The following CELF1 variants were observed in gnomAD, a reference collection of about 807,000 sequenced individuals.
CELF1 encodes 50 kDa nuclear polyadenylated RNA-binding protein.
In CELF1, 10 loss-of-function variants were observed where a neutral mutation model predicts 61.8. The observed-to-expected ratio is 0.16, with a 90% CI of 0.10 to 0.27. CELF1 has a LOEUF of 0.27. Among genes scored for constraint, CELF1 ranks in the 10% least tolerant of loss-of-function variants. CELF1 has a pLI of 1.00. For synonymous variants in CELF1, 236 were observed against 225.1 expected, an observed-to-expected ratio of 1.05 and a Z score of -0.43; for missense variants, 380 against 639.1, an observed-to-expected ratio of 0.59 and a Z score of 4.37.
At chr11:47,524,145 A>C (rs531162574) in intron 1 of CELF1, among the ~76,000 whole-genome samples, 35 of 152,130 alleles carry the variant, frequency 2.3e-4, no homozygotes, top group African/African-American at 8.2e-4. Context: ...CTTAACCCCT[A>C]CTGCACTCTT....
At chr11:47,530,987 C>T (rs1300128039) in intron 1 of CELF1, among the ~76,000 whole-genome samples, 1 of 152,114 alleles carries the variant, frequency 6.6e-6, no homozygotes, top group Non-Finnish European at 1.5e-5. Flanking sequence ...TAGCTCATGC[C>T]TGTAATCCCA....
chr11:47,555,379 T>TAG (rs5791765), upstream of CELF1, among the ~76,000 whole-genome samples: 151,540 of 152,296 alleles, frequency 1, 75,400 homozygotes, highest in Middle Eastern at 1. Context: ...TCTAACTCGA[T>TAG]AAACTTCTTG....
chr11:47,476,636 C>T (rs544883334), intron 12 of CELF1, among the ~76,000 whole-genome samples: 1 of 152,222 alleles, frequency 6.6e-6, no homozygotes, highest in East Asian at 1.9e-4. Context: ...CCGTGTTAGC[C>T]AGAATGGTCT....
At chr11:47,528,978 G>A (rs1296304799) in intron 1 of CELF1, among the ~76,000 whole-genome samples, 1 of 151,932 alleles carries the variant, frequency 6.6e-6, no homozygotes, top group Non-Finnish European at 1.5e-5. Flanking sequence ...ACAGCTCACT[G>A]CAGCCTCAAC....
chr11:47,551,843 C>A (rs1360991003), intron 1 of CELF1, among the ~76,000 whole-genome samples: 1 of 152,044 alleles, frequency 6.6e-6, no homozygotes, highest in South Asian at 2.1e-4. Context: ...CATGGTGAAA[C>A]CCCGTCTATA....
At chr11:47,499,409 A>T in intron 3 of CELF1, 44 bp downstream of exon 3, 3 of 1,439,100 alleles carry the variant, frequency 2.1e-6, no homozygotes, top group South Asian at 2.5e-5. Context: ...AAAACAGCCC[A>T]GTTCCTCTGC....
At chr11:47,541,735 AAAGAACG>A (rs1233446160) in intron 1 of CELF1, among the ~76,000 whole-genome samples, 256 of 9,054 alleles carry the variant, frequency 0.028, 13 homozygotes, top group African/African-American at 0.057. Context: ...AGAACGAAAG[AAAGAACG>A]AAAGAAAGAA....
chr11:47,512,576 A>AT (rs1489796204), intron 1 of CELF1, among the ~76,000 whole-genome samples: 1 of 151,356 alleles, frequency 6.6e-6, no homozygotes, highest in African/African-American at 2.4e-5. Flanking sequence ...CTGACCTCAA[A>AT]TGATCTGCCT....
intron 1 of CELF1, among the ~76,000 whole-genome samples, chr11:47,528,010 G>A (rs1380096345): frequency 6.6e-6 from 1 of 152,082 alleles, no homozygotes; most frequent in Non-Finnish European, 1.5e-5. Flanking sequence ...ACAGGAGAAT[G>A]GGTTGAACCC....
At chr11:47,539,207 C>G (rs1453037999) in intron 1 of CELF1, among the ~76,000 whole-genome samples, 1 of 151,994 alleles carries the variant, frequency 6.6e-6, no homozygotes, top group East Asian at 1.9e-4. Flanking sequence ...AAATTAAAAA[C>G]AAATAATTAT....
In CELF1 at chr11:47,477,564, C is replaced by T. The variant is rs948118932; in HGVS notation, c.845-139G>A. 7.8e-6 allele frequency: 6 copies of T among 768,724 alleles called. No individual in the cohort carries two copies. The East Asian group carries it at 1.3e-4, about 16-fold the overall frequency. The allele number at this position is 768,724 out of a possible 1,614,324, so 47.6% of individuals were successfully genotyped here. A position where few individuals can be genotyped will look rare whatever the true frequency, so the allele number is the denominator to read the frequency against. ...TAGATAAGCCTTACAAACAACATTACAGGGCTCCAAAAATGATTCATGTAT... is the reference window on the plus strand; with the variant it reads ...TAGATAAGCCTTACAAACAACATTATAGGGCTCCAAAAATGATTCATGTAT... On this transcript the variant is annotated intron_variant, in intron 10 of 14. Coordinates refer to ENST00000687097, the MANE Select transcript of CELF1 (RefSeq NM_001376376.1).
At chr11:47,564,467 ACT>A (rs1437009807) in exon 2 of CELF1, 5 of 149,288 alleles carry the variant, frequency 3.3e-5, no homozygotes, top group Admixed American at 6.8e-5. Flanking sequence ...CAATAGTGAA[ACT>A]CTGTCTCAAA....
At chr11:47,500,548 G>A (rs2093765936) in intron 2 of CELF1, among the ~76,000 whole-genome samples, 2 of 152,118 alleles carry the variant, frequency 1.3e-5, no homozygotes, top group Admixed American at 1.3e-4. Flanking sequence ...GGCCTACCAG[G>A]GACAACACTC....
rs778493500 is a variant in CELF1 at position 47,467,806 on chromosome 11, G to A, written c.*4424C>T. 6.6e-6 allele frequency: 1 copy of A among 152,162 alleles called. No individual in the cohort carries two copies. The highest frequency in any genetic ancestry group is 1.5e-5 in the Non-Finnish European group (1 of 68,030). The allele number at this position is 152,162 out of a possible 1,614,324, so 9.4% of individuals were successfully genotyped here. ...CACGAAGTGACAGTCTAAGTGCACA[G>A]GCAAACGCTCTAAGGGCAATAGAGG... On this transcript the variant is annotated 3_prime_UTR_variant, in exon 15 of 15. Coordinates refer to ENST00000687097, the MANE Select transcript of CELF1 (RefSeq NM_001376376.1).
intron 9 of CELF1, among the ~76,000 whole-genome samples, chr11:47,480,824 C>T (rs1394820584): frequency 6.6e-6 from 1 of 152,052 alleles, no homozygotes; most frequent in Non-Finnish European, 1.5e-5. Flanking sequence ...CACTTGAGGT[C>T]GGGAGTTTGA....
At chr11:47,491,979 T>C (rs1341323871) in intron 3 of CELF1, among the ~76,000 whole-genome samples, 1 of 152,196 alleles carries the variant, frequency 6.6e-6, no homozygotes, top group Non-Finnish European at 1.5e-5. Flanking sequence ...ACAGGATTAA[T>C]ACGCCTTTTT....
chr11:47,560,424 C>A (rs999913563), intron 2 of CELF1, among the ~76,000 whole-genome samples: 1 of 152,046 alleles, frequency 6.6e-6, no homozygotes, highest in African/African-American at 2.4e-5. Context: ...AAACAAAAAA[C>A]AAAACATTTC....
intron 13 of CELF1, among the ~76,000 whole-genome samples, chr11:47,474,195 C>G (rs2078983712): frequency 6.6e-6 from 1 of 152,210 alleles, no homozygotes; most frequent in South Asian, 2.1e-4. Flanking sequence ...CTGCGCCCAG[C>G]CTACTCAATG....
intron 1 of CELF1, among the ~76,000 whole-genome samples, chr11:47,521,814 G>A (rs140411212): frequency 6.6e-5 from 10 of 152,146 alleles, no homozygotes; most frequent in African/African-American, 9.6e-5. Flanking sequence ...ACTGTACAAC[G>A]CTCAATGGTT....
Sources: allele counts gnomAD v4.1 joint callset (sites outside exome capture counted in the v4.1 genomes callset), GRCh38; gene constraint gnomAD v4.1.1; transcripts MANE v1.5; gene names NCBI Gene and HGNC (gene_info 2026-07-23, HGNC 2026-07-21).